The following DIAPH2 variants were observed in gnomAD, a reference collection of about 807,000 sequenced individuals.
The protein encoded by DIAPH2 is diaphanous related formin 2, also known as protein diaphanous homolog 2.
In DIAPH2, 35 loss-of-function variants were observed where a neutral mutation model predicts 92.7. That is an observed-to-expected ratio of 0.38 (90% CI 0.29 to 0.50). The LOEUF (loss-of-function observed/expected upper bound fraction) is 0.50, where lower values mean the gene tolerates loss of function less well. Among genes scored for constraint, DIAPH2 ranks in the 20% least tolerant of loss-of-function variants. DIAPH2 has a pLI of 0.94. For synonymous variants in DIAPH2, 301 were observed against 280.4 expected, an observed-to-expected ratio of 1.07 and a Z score of -0.73; for missense variants, 701 against 819.5, an observed-to-expected ratio of 0.86 and a Z score of 1.77.
intron 21 of DIAPH2, among the ~76,000 whole-genome samples, chrX:97,126,753 A>G (rs970340170): frequency 1.8e-5 from 2 of 112,585 alleles, no homozygotes; most frequent in Non-Finnish European, 3.8e-5. Flanking sequence ...GATGATATCT[A>G]TACTGTAAAG....
chrX:96,872,493 C>CTTTTTT (rs752843624), intron 4 of DIAPH2, among the ~76,000 whole-genome samples: 14 of 95,428 alleles, frequency 1.5e-4, no homozygotes, highest in Non-Finnish European at 1.9e-4. Context: ...TTTTCTTTTT[C>CTTTTTT]TTTTTTTTTT....
chrX:97,600,550 G>C lies in DIAPH2; in HGVS notation c.*1233G>C, dbSNP rs1388246555. On this transcript the variant is annotated 3_prime_UTR_variant, in exon 27 of 27. Transcript: ENST00000324765. ...GATGCTGCCAAAACAAGTCTAGCAG[G>C]GAAAACAGGTTCTACATTTTTCTTA... 8.9e-6 allele frequency: 1 copy of C among 111,870 alleles called. No individual in the cohort carries two copies. Among genetic ancestry groups the C allele is most frequent in the Non-Finnish European group, 1.9e-5 (1 of 53,019 alleles). The allele number at this position is 111,870 out of a possible 1,213,427, so 9.2% of individuals were successfully genotyped here. A position where few individuals can be genotyped will look rare whatever the true frequency, so the allele number is the denominator to read the frequency against.
chrX:97,020,186 T>G (rs1201006331), intron 17 of DIAPH2, among the ~76,000 whole-genome samples: 1 of 112,613 alleles, frequency 8.9e-6, no homozygotes, highest in Non-Finnish European at 1.9e-5. Context: ...TCATTGTTTG[T>G]AACATTTTCT....
At chrX:97,579,596 T>C (rs755880482) in intron 26 of DIAPH2, among the ~76,000 whole-genome samples, 1 of 111,127 alleles carries the variant, frequency 9.0e-6, no homozygotes, top group African/African-American at 3.3e-5. Flanking sequence ...TGAAGTCAGG[T>C]AGTGTGTTGC....
chrX:97,370,332 T>G (rs755198451), intron 24 of DIAPH2, among the ~76,000 whole-genome samples: 1 of 111,548 alleles, frequency 9.0e-6, no homozygotes, highest in South Asian at 3.8e-4. Flanking sequence ...ATTGGCTGTG[T>G]ATGTTCCCTC....
intron 4 of DIAPH2, among the ~76,000 whole-genome samples, chrX:96,863,532 G>A (rs1164590886): frequency 2.7e-5 from 3 of 109,717 alleles, no homozygotes; most frequent in Non-Finnish European, 5.7e-5. Flanking sequence ...CTCTTACTTA[G>A]GTATAATTAT....
chrX:97,137,816 G>T (rs940717756), intron 21 of DIAPH2, among the ~76,000 whole-genome samples: 3 of 111,794 alleles, frequency 2.7e-5, no homozygotes. Context: ...TTCTTTTCCA[G>T]CAGATGACAG....
intron 17 of DIAPH2, among the ~76,000 whole-genome samples, chrX:97,009,424 A>G (rs1042070523): frequency 3.6e-5 from 4 of 111,893 alleles, no homozygotes; most frequent in Non-Finnish European, 7.5e-5. Flanking sequence ...ACCCTGCTGT[A>G]GCAGAGCTGA....
At chrX:96,857,002 A>G (rs1361459197) in intron 4 of DIAPH2, among the ~76,000 whole-genome samples, 4 of 108,030 alleles carry the variant, frequency 3.7e-5, no homozygotes, top group African/African-American at 1.0e-4. Context: ...TCGATCCACT[A>G]CACTTCAGGC....
intron 22 of DIAPH2, among the ~76,000 whole-genome samples, chrX:97,228,065 T>C (rs1418934126): frequency 9.0e-6 from 1 of 110,929 alleles, no homozygotes. Context: ...TATGCTATGC[T>C]AATTTTTAAA....
intron 24 of DIAPH2, among the ~76,000 whole-genome samples, chrX:97,380,040 A>G (rs762179615): frequency 9.1e-6 from 1 of 110,455 alleles, no homozygotes; most frequent in African/African-American, 3.3e-5. Flanking sequence ...ATAGCAAGGG[A>G]AATAAGATTT....
chrX:97,523,047 G>A (rs911030779), intron 26 of DIAPH2, among the ~76,000 whole-genome samples: 7 of 112,345 alleles, frequency 6.2e-5, no homozygotes, highest in African/African-American at 2.3e-4. Flanking sequence ...AAGAAGGGGA[G>A]CTAGCTGAGT....
At chrX:96,973,820 T>C (rs1230474574) in intron 17 of DIAPH2, among the ~76,000 whole-genome samples, 1 of 107,538 alleles carries the variant, frequency 9.3e-6, no homozygotes, top group East Asian at 3.0e-4. Context: ...CTCAGCCTCC[T>C]GAGTAGCTGG....
chrX:97,477,892 T>C (rs917947906), intron 26 of DIAPH2, among the ~76,000 whole-genome samples: 2 of 111,572 alleles, frequency 1.8e-5, no homozygotes, highest in Non-Finnish European at 3.8e-5. Context: ...GTGGGACTAC[T>C]ATAGAATTTA....
rs2065061825 is a variant in DIAPH2, at chrX:96,859,737, G to A, written c.448-21842G>A. 3.7e-5 allele frequency among the ~76,000 whole-genome samples: 4 copies of A among 109,292 alleles called. No homozygotes were observed. In the South Asian group the frequency reaches 1.6e-3, roughly 43 times the overall value. The allele number at this position is 109,292 out of a possible 115,157, so 94.9% of individuals were successfully genotyped here. A position where few individuals can be genotyped will look rare whatever the true frequency, so the allele number is the denominator to read the frequency against. On this transcript the variant is annotated intron_variant, in intron 4 of 26. Transcript: ENST00000324765. ...GCTCACTGCAAGCTCCGCCTCCCAGGTTCATGCCATTCTCTTGCCTCAGCC... is the reference window on the plus strand; with the variant it reads ...GCTCACTGCAAGCTCCGCCTCCCAGATTCATGCCATTCTCTTGCCTCAGCC...
chrX:97,400,370 C>T (rs1178097026), intron 25 of DIAPH2, among the ~76,000 whole-genome samples: 3 of 111,548 alleles, frequency 2.7e-5, no homozygotes, highest in Non-Finnish European at 1.9e-5. Flanking sequence ...GAAAGATATA[C>T]GGCATCTTTT....
chrX:96,907,800 AGCAT>A (rs1385783907), intron 5 of DIAPH2, among the ~76,000 whole-genome samples: 1 of 111,870 alleles, frequency 8.9e-6, no homozygotes, highest in Non-Finnish European at 1.9e-5. Flanking sequence ...CAGAAATGAA[AGCAT>A]GCTTACACAG....
intron 22 of DIAPH2, among the ~76,000 whole-genome samples, chrX:97,200,558 A>T (rs1278246218): frequency 9.0e-6 from 1 of 111,520 alleles, no homozygotes; most frequent in African/African-American, 3.3e-5. Flanking sequence ...GACTGGGCGG[A>T]ATTCATCACA....
At chrX:96,887,701 A>G (rs2065272791) in intron 5 of DIAPH2, among the ~76,000 whole-genome samples, 2 of 111,654 alleles carry the variant, frequency 1.8e-5, no homozygotes, top group Admixed American at 1.9e-4. Context: ...ATAAGTTCTT[A>G]TATTTTTTCA....
Sources: gnomAD v4.1 joint callset for allele counts (sites outside exome capture counted in the v4.1 genomes callset) on GRCh38, gnomAD v4.1.1 for gene constraint, MANE v1.5 for transcripts, NCBI Gene and HGNC (gene_info 2026-07-23, HGNC 2026-07-21) for gene names.